KCNIP4: variants seen among roughly 807,000 people sequenced by gnomAD.
KCNIP4 encodes potassium voltage-gated channel interacting protein 4, also known as Kv channel-interacting protein 4.
In KCNIP4, 12 loss-of-function variants were observed where a neutral mutation model predicts 34.0. The observed-to-expected ratio is 0.35, with a 90% CI of 0.23 to 0.57. The LOEUF is 0.57. KCNIP4 is among the 20% of genes least tolerant of loss of function. KCNIP4 has a pLI of 0.83. For synonymous variants in KCNIP4, 124 were observed against 102.2 expected, an observed-to-expected ratio of 1.21 and a Z score of -1.29; for missense variants, 238 against 311.7, an observed-to-expected ratio of 0.76 and a Z score of 1.78.
At chr4:20,773,861 G>A (rs1756133326) in intron 3 of KCNIP4, among the ~76,000 whole-genome samples, 1 of 152,036 alleles carries the variant, frequency 6.6e-6, no homozygotes, top group Non-Finnish European at 1.5e-5. Context: ...CACTTTTTTG[G>A]CAGTTGGGCC....
intron 1 of KCNIP4, among the ~76,000 whole-genome samples, chr4:21,599,838 G>A (rs529916687): frequency 1.4e-4 from 21 of 152,170 alleles, no homozygotes; most frequent in African/African-American, 5.1e-4. Context: ...AGGATTTGGA[G>A]ATAACCTATA....
Position 21,708,859 on chromosome 4 carries a change from C to T in KCNIP4, c.61+239712G>A, listed in dbSNP as rs116106733. 6.9e-3 allele frequency among the ~76,000 whole-genome samples: 1,048 copies of T among 152,204 alleles called. 15 individuals are homozygous for T. Among genetic ancestry groups the T allele is most frequent in the African/African-American group, 0.023 (975 of 41,526 alleles). Reference sequence around the variant, plus strand: ...AAACTTTTTACAATATTTTACATTGCCTTTTTACAATATTTTATAGATTAG... The same window carrying T: ...AAACTTTTTACAATATTTTACATTGTCTTTTTACAATATTTTATAGATTAG... On this transcript the variant is annotated intron_variant, in intron 1 of 8. Transcript: ENST00000382152.
intron 4 of KCNIP4, among the ~76,000 whole-genome samples, chr4:20,757,159 C>A (rs990921823): frequency 3.3e-5 from 5 of 152,110 alleles, no homozygotes; most frequent in African/African-American, 1.2e-4. Flanking sequence ...ATCACAAACT[C>A]CTCTCTTCAT....
At chr4:21,910,268 G>A (rs540765602) in intron 1 of KCNIP4, among the ~76,000 whole-genome samples, 1 of 152,210 alleles carries the variant, frequency 6.6e-6, no homozygotes, top group African/African-American at 2.4e-5. Flanking sequence ...ATGCAAATGT[G>A]TTGTCTATAA....
intron 1 of KCNIP4, among the ~76,000 whole-genome samples, chr4:21,782,357 C>G (rs530737124): frequency 6.6e-6 from 1 of 152,188 alleles, no homozygotes; most frequent in Non-Finnish European, 1.5e-5. Context: ...AATCATACAT[C>G]TAGGCACTTA....
chr4:21,120,094 G>A (rs76231337), intron 1 of KCNIP4, among the ~76,000 whole-genome samples: 21,206 of 152,074 alleles, frequency 0.14, 1,688 homozygotes, highest in East Asian at 0.23. Context: ...TCAGGTCAAC[G>A]TGGGGGAGGG....
At chr4:21,399,889 GGA>G (rs776169483) in intron 1 of KCNIP4, among the ~76,000 whole-genome samples, 62 of 152,182 alleles carry the variant, frequency 4.1e-4, no homozygotes, top group Non-Finnish European at 5.9e-4. Context: ...AGTAGAGAAA[GGA>G]GAGAGACCCA....
intron 1 of KCNIP4, among the ~76,000 whole-genome samples, chr4:21,545,726 A>G (rs1447296600): frequency 6.6e-6 from 1 of 152,014 alleles, no homozygotes; most frequent in African/African-American, 2.4e-5. Context: ...ATCCTTTTTT[A>G]TGGCTGCATA....
intron 1 of KCNIP4, among the ~76,000 whole-genome samples, chr4:21,825,039 T>C (rs547789846): frequency 2.0e-5 from 3 of 152,180 alleles, no homozygotes; most frequent in South Asian, 4.1e-4. Flanking sequence ...AAAAAGCAAA[T>C]AGAAGACGAT....
At chr4:21,491,541 A>T (rs537935256) in intron 1 of KCNIP4, among the ~76,000 whole-genome samples, 40 of 151,836 alleles carry the variant, frequency 2.6e-4, no homozygotes, top group African/African-American at 6.5e-4. Flanking sequence ...TGCTGGGCAA[A>T]TTTTTTTTAT....
chr4:20,731,576 T>C (rs1309958097), intron 8 of KCNIP4: 1 of 985,284 alleles, frequency 1.0e-6, no homozygotes, highest in Non-Finnish European at 1.2e-6. Flanking sequence ...ACAATGACTT[T>C]TCTCTTAGAA....
intron 1 of KCNIP4, among the ~76,000 whole-genome samples, chr4:21,820,757 A>G (rs761002577): frequency 1.3e-5 from 2 of 152,136 alleles, no homozygotes; most frequent in Non-Finnish European, 2.9e-5. Context: ...GTTAGCTTCA[A>G]TGATCATTAA....
At chr4:21,265,171 A>G (rs888134256) in intron 1 of KCNIP4, among the ~76,000 whole-genome samples, 4 of 152,180 alleles carry the variant, frequency 2.6e-5, no homozygotes, top group South Asian at 2.1e-4. Flanking sequence ...GAATTCACCA[A>G]TGAAAGAAGT....
chr4:20,961,936 C>T (rs1322480579), intron 1 of KCNIP4, among the ~76,000 whole-genome samples: 1 of 152,148 alleles, frequency 6.6e-6, no homozygotes, highest in African/African-American at 2.4e-5. Flanking sequence ...TGGAGATTAT[C>T]AAGAGGTCAG....
Position 21,011,273 on chromosome 4 carries a change from C to T in KCNIP4, c.62-128564G>A, listed in dbSNP as rs150349641. Among the ~76,000 whole-genome samples the T allele has an allele frequency of 5.8e-3, 883 of 152,252 alleles. 29 individuals are homozygous for T. The highest frequency in any genetic ancestry group is 0.054 in the Admixed American group (820 of 15,290). On this transcript the variant is annotated intron_variant, in intron 1 of 8. Coordinates refer to ENST00000382152, the MANE Select transcript of KCNIP4 (RefSeq NM_025221.6). The stretch of plus-strand genomic sequence containing the variant: ...CTTCCTAGTGGCATTGCAGGAGATC[C>T]GTTTGCAATTTGTGTGACTGACTCA...
chr4:21,772,286 G>T (rs1396944810), intron 1 of KCNIP4, among the ~76,000 whole-genome samples: 1 of 152,128 alleles, frequency 6.6e-6, no homozygotes, highest in African/African-American at 2.4e-5. Context: ...CTTGATTGTG[G>T]TGGATAAGTT....
At chr4:21,710,804 T>A (rs1357466311) in intron 1 of KCNIP4, among the ~76,000 whole-genome samples, 1 of 152,158 alleles carries the variant, frequency 6.6e-6, no homozygotes, top group Non-Finnish European at 1.5e-5. Flanking sequence ...AATCTAGAGA[T>A]AGAATTCTAA....
chr4:21,528,232 T>C (rs1736141657), intron 1 of KCNIP4, among the ~76,000 whole-genome samples: 1 of 152,124 alleles, frequency 6.6e-6, no homozygotes, highest in South Asian at 2.1e-4. Flanking sequence ...TAAACTTCAT[T>C]TAGAGACTCA....
At chr4:21,845,311 C>T (rs1160628638) in intron 1 of KCNIP4, 4 of 152,060 alleles carry the variant, frequency 2.6e-5, no homozygotes, top group African/African-American at 9.7e-5. Flanking sequence ...ATTAGTGTGG[C>T]TATATTCCAA....
Sources: gnomAD v4.1 joint callset for allele counts (sites outside exome capture counted in the v4.1 genomes callset) on GRCh38, gnomAD v4.1.1 for gene constraint, MANE v1.5 for transcripts, NCBI Gene and HGNC (gene_info 2026-07-23, HGNC 2026-07-21) for gene names.